Variants in EFNA5 observed in about 807,000 individuals in gnomAD.
EFNA5 encodes the protein ephrin A5.
In EFNA5, 5 loss-of-function variants were observed where a neutral mutation model predicts 22.9. The observed-to-expected ratio is 0.22, with a 90% CI of 0.11 to 0.46. The LOEUF (loss-of-function observed/expected upper bound fraction) is 0.46, where lower values mean the gene tolerates loss of function less well. EFNA5 is among the 20% of genes least tolerant of loss of function. The pLI is 0.99. For missense variants in EFNA5, 237 were observed against 293.3 expected, an observed-to-expected ratio of 0.81 and a Z score of 1.40; for synonymous variants, 113 against 112.2, an observed-to-expected ratio of 1.01 and a Z score of -0.04.
At chr5:107,591,863 A>T (rs1385177133) in intron 1 of EFNA5, among the ~76,000 whole-genome samples, 18 of 68,790 alleles carry the variant, frequency 2.6e-4, no homozygotes, top group Non-Finnish European at 3.8e-4. Flanking sequence ...TAATATAAAA[A>T]ATATATATAT....
chr5:107,548,226 G>A (rs936636358), intron 1 of EFNA5, among the ~76,000 whole-genome samples: 14 of 152,236 alleles, frequency 9.2e-5, no homozygotes, highest in African/African-American at 3.4e-4. Context: ...CAGTTGAGGT[G>A]GAGTGAGGAA....
At chr5:107,584,636 T>C (rs756236033) in intron 1 of EFNA5, among the ~76,000 whole-genome samples, 11 of 152,216 alleles carry the variant, frequency 7.2e-5, no homozygotes, top group Non-Finnish European at 1.2e-4. Context: ...TTAATGTCTC[T>C]GATTTGTTTT....
intron 1 of EFNA5, among the ~76,000 whole-genome samples, chr5:107,465,118 T>C (rs184427334): frequency 3.5e-4 from 53 of 152,180 alleles, no homozygotes; most frequent in Non-Finnish European, 6.8e-4. Flanking sequence ...ACCACTGCTT[T>C]TCCTTAGGCC....
At chr5:107,580,952 A>G (rs985158546) in intron 1 of EFNA5, among the ~76,000 whole-genome samples, 5 of 152,184 alleles carry the variant, frequency 3.3e-5, no homozygotes, top group African/African-American at 9.7e-5. Flanking sequence ...TGATCTCAGC[A>G]TTGAGCCAGT....
intron 1 of EFNA5, among the ~76,000 whole-genome samples, chr5:107,574,933 A>G (rs1695844434): frequency 6.6e-6 from 1 of 152,190 alleles, no homozygotes; most frequent in Non-Finnish European, 1.5e-5. Flanking sequence ...ACTGTTCTCA[A>G]TTTGATTTAT....
chr5:107,444,190 A>G (rs901145699), intron 1 of EFNA5, among the ~76,000 whole-genome samples: 1 of 152,220 alleles, frequency 6.6e-6, no homozygotes, highest in African/African-American at 2.4e-5. Flanking sequence ...GAAAAAAGCT[A>G]AAGATAAATC....
chr5:107,467,252 G>A (rs1002607702), intron 1 of EFNA5, among the ~76,000 whole-genome samples: 7 of 152,110 alleles, frequency 4.6e-5, no homozygotes, highest in African/African-American at 1.7e-4. Context: ...AACTACAGGT[G>A]ATATGTGGAT....
chr5:107,527,363 T>G (rs1473011807), intron 1 of EFNA5, among the ~76,000 whole-genome samples: 1 of 151,624 alleles, frequency 6.6e-6, no homozygotes, highest in African/African-American at 2.4e-5. Context: ...CTCGGCTCAC[T>G]GCAACATCTG....
At chr5:107,436,146 C>G (rs152606) in intron 1 of EFNA5, among the ~76,000 whole-genome samples, 63,738 of 152,106 alleles carry the variant, frequency 0.42, 14,102 homozygotes, top group African/African-American at 0.57. Context: ...TTTAAAACTG[C>G]TATCTCCCAG....
chr5:107,584,100 A>G (rs1031669689), intron 1 of EFNA5, among the ~76,000 whole-genome samples: 1 of 152,200 alleles, frequency 6.6e-6, no homozygotes, highest in Non-Finnish European at 1.5e-5. Flanking sequence ...AATTAGCTCT[A>G]GGGGATATCA....
At chr5:107,602,885 G>A (rs1749632328) in intron 1 of EFNA5, among the ~76,000 whole-genome samples, 1 of 152,162 alleles carries the variant, frequency 6.6e-6, no homozygotes, top group Non-Finnish European at 1.5e-5. Flanking sequence ...TAGAGGCCAT[G>A]GGCTTTGGGA....
At chr5:107,550,792 G>C (rs1258082476) in intron 1 of EFNA5, among the ~76,000 whole-genome samples, 3 of 152,098 alleles carry the variant, frequency 2.0e-5, no homozygotes, top group Non-Finnish European at 4.4e-5. Flanking sequence ...GAAGTCCTTA[G>C]AATATTTTCA....
chr5:107,404,202 T>C (rs1164614881), intron 2 of EFNA5, among the ~76,000 whole-genome samples: 1 of 152,236 alleles, frequency 6.6e-6, no homozygotes, highest in Non-Finnish European at 1.5e-5. Context: ...TGGCGAGTTC[T>C]CATTAGTCTG....
At position 107,444,358 on chromosome 5, in the gene EFNA5, C is replaced by T. The variant is rs140490337; in HGVS notation, c.126-16849G>A. Among the ~76,000 whole-genome samples, 566 of 152,322 alleles carry T rather than the reference C, an allele frequency of 3.7e-3. 2 individuals are homozygous for T. The highest frequency in any genetic ancestry group is 0.01 in the Middle Eastern group (3 of 294). On this transcript the variant is annotated intron_variant, in intron 1 of 4. Transcript: ENST00000333274. The stretch of plus-strand genomic sequence containing the variant: ...TCTTGTTGTCTCATCCCCTGTACTC[C>T]ATTAGAATCCTCGCTGACTTAACAA...
intron 1 of EFNA5, among the ~76,000 whole-genome samples, chr5:107,552,529 T>C (rs937511395): frequency 2.0e-5 from 3 of 152,192 alleles, no homozygotes; most frequent in African/African-American, 4.8e-5. Flanking sequence ...CCAAAGTCTA[T>C]GTTAACCATT....
At chr5:107,606,114 C>G (rs1044907228) in intron 1 of EFNA5, among the ~76,000 whole-genome samples, 7 of 152,198 alleles carry the variant, frequency 4.6e-5, no homozygotes, top group African/African-American at 1.7e-4. Context: ...TCCAGCTACT[C>G]AAGTATTGCA....
At chr5:107,422,006 G>C (rs1183351390) in intron 2 of EFNA5, among the ~76,000 whole-genome samples, 2 of 152,076 alleles carry the variant, frequency 1.3e-5, no homozygotes, top group Non-Finnish European at 2.9e-5. Flanking sequence ...GGTCAGGCTG[G>C]TCTTGAACTC....
intron 1 of EFNA5, among the ~76,000 whole-genome samples, chr5:107,552,613 T>TATGG (rs1748324083): frequency 6.6e-6 from 1 of 152,238 alleles, no homozygotes; most frequent in Non-Finnish European, 1.5e-5. Flanking sequence ...AACTGATATG[T>TATGG]AAAGTAACTG....
intron 1 of EFNA5, among the ~76,000 whole-genome samples, chr5:107,652,391 G>A (rs1029439741): frequency 6.6e-6 from 1 of 152,174 alleles, no homozygotes; most frequent in East Asian, 1.9e-4. Context: ...TGATACCCCT[G>A]AACAGATGTG....
Sources: gnomAD v4.1 joint callset for allele counts (sites outside exome capture counted in the v4.1 genomes callset) on GRCh38, gnomAD v4.1.1 for gene constraint, MANE v1.5 for transcripts, NCBI Gene and HGNC (gene_info 2026-07-23, HGNC 2026-07-21) for gene names.